The following AHNAK2 variants were observed in gnomAD, a reference collection of about 807,000 sequenced individuals.
AHNAK2 encodes the protein AHNAK nucleoprotein 2.
Under a neutral mutation model 30.7 loss-of-function variants are expected in AHNAK2, and 18 were observed. That is an observed-to-expected ratio of 0.59 (90% confidence interval 0.41 to 0.87). AHNAK2 has a LOEUF of 0.87. Ranked by LOEUF, AHNAK2 falls within the 40% of genes least tolerant of loss-of-function variation. AHNAK2 has a pLI of 0.00. For synonymous variants in AHNAK2, 3,590 were observed against 3,073.8 expected (o/e 1.17, Z -5.56); for missense variants, 8,604 against 7,373.0 (o/e 1.17, Z -6.11).
Position 104,953,663 on chromosome 14 carries a change from C to T in AHNAK2, c.1788G>A (p.Lys596=), listed in dbSNP as rs1353013087. The change falls in exon 7 of 7, where the codon AAG becomes AAA. Residue 596 remains lysine (K), a synonymous_variant. Coordinates refer to ENST00000333244, the MANE Select transcript of AHNAK2 (RefSeq NM_138420.4). ...KIPSLGWSPS[K]HTKTGREKAT... ...CTTTTTCTCTGCCTGTCTTTGTGTG[C>T]TTGCTTGGCGACCATCCTAAGGAGG... The T allele has an allele frequency of 1.9e-6, 3 of 1,613,730 alleles. No individual in the cohort carries two copies. Among genetic ancestry groups the T allele is most frequent in the Non-Finnish European group, 2.5e-6 (3 of 1,179,886 alleles).
chr14:104,952,501 G>C lies in AHNAK2; in HGVS notation c.2950C>G (p.Leu984Val). Residue 984 changes from leucine (L) to valine (V), a missense_variant, in exon 7 of 7, where the codon CTG (leucine) becomes GTG (valine). By Grantham distance (32) the Leu-to-Val change is conservative. Transcript: ENST00000333244. ...KLDGAWLEGD[L>V]SLADKDVTAK... ...GTCACGTCCTTGTCGGCCAGGGACA[G>C]GTCCCCCTCCAGCCACGCACCATCC... 6.2e-7 allele frequency: 1 copy of C among 1,612,806 alleles called. No homozygotes were observed. Among genetic ancestry groups the C allele is most frequent in the Non-Finnish European group, 8.5e-7 (1 of 1,179,582 alleles).
At position 104,943,327 on chromosome 14, in the gene AHNAK2, G is replaced by A. The variant is rs1253671261; in HGVS notation, c.12124C>T (p.Pro4042Ser). 1.2e-6 allele frequency: 2 copies of A among 1,612,698 alleles called. No individual in the cohort carries two copies. The highest frequency in any genetic ancestry group is 1.3e-5 in the African/African-American group (1 of 74,652). Residue 4042 changes from proline to serine, a missense_variant, in exon 7 of 7, where the codon CCC (proline) becomes TCC (serine). By Grantham distance (74) the Pro-to-Ser change is moderately conservative. Transcript: ENST00000333244. ...VDVKLPEGPV[P>S]EGASLKGHLP... ...TGCCCTTTGAGGCTGGCTCCCTCGGGCACGGGGCCCTCTGGGAGTTTCACG... is the reference window on the plus strand; with the variant it reads ...TGCCCTTTGAGGCTGGCTCCCTCGGACACGGGGCCCTCTGGGAGTTTCACG...
rs772149510 is a variant in AHNAK2 at position 104,942,756 on chromosome 14, T to C, written c.12695A>G (p.Lys4232Arg). The part of the protein sequence containing the change: ...PCLKMPKVAL[K>R]GPQVDVKGPK... ...GCCCTTGACATCCACCTGGGGGCCC[T>C]TGAGGGCCACTTTGGGCATCTTCAA... is the stretch of plus-strand genomic sequence containing the variant. The change falls in exon 7 of 7, where the codon AAG (lysine) becomes AGG (arginine). Residue 4232 changes from lysine to arginine, a missense_variant. Transcript: ENST00000333244. 3.7e-6 allele frequency: 6 copies of C among 1,612,998 alleles called. No individual in the cohort carries two copies. Among genetic ancestry groups the C allele is most frequent in the Admixed American group, 3.3e-5 (2 of 59,958 alleles).
In AHNAK2 at chr14:104,945,147, G is replaced by C. The variant is rs1174836578; in HGVS notation, c.10304C>G (p.Ser3435Cys). Residue 3435 changes from serine to cysteine, a missense_variant, in exon 7 of 7, where the codon TCT becomes TGT. Ser to Cys is a moderately radical substitution (Grantham distance 112, BLOSUM62 -1). Transcript: ENST00000333244. ...GACGTCCACCTCCACGCTGGGCAGA[G>C]ACACCTCCACATCAGGGACTGTCAC... ...AEVTVPDVEV[S>C]LPSVEVDVQA... The C allele has an allele frequency of 3.1e-6, 5 of 1,613,106 alleles. No individual in the cohort carries two copies. The highest frequency in any genetic ancestry group is 4.2e-6 in the Non-Finnish European group (5 of 1,179,750).
rs775028213 is a variant in AHNAK2, at chr14:104,950,252, C to T, written c.5199G>A (p.Glu1733=). The change falls in exon 7 of 7, where the codon GAG becomes GAA. Residue 1733 remains glutamate, a synonymous_variant. Coordinates refer to ENST00000333244, the MANE Select transcript of AHNAK2 (RefSeq NM_138420.4). ...NVKLPEGPLP[E]GAGFKGHLPK... is the part of the protein sequence containing the mutation. ...GGAGGTGCCCTTTGAAGCCGGCTCC[C>T]TCGGGAAGGGGGCCCTCCGGGAGTT... is the stretch of plus-strand genomic sequence containing the variant. 8 of 1,585,678 alleles carry T rather than the reference C, an allele frequency of 5.0e-6. No homozygotes were observed. The highest frequency in any genetic ancestry group is 1.7e-5 in the Admixed American group (1 of 57,330).
Position 104,952,815 on chromosome 14 carries a change from G to A in AHNAK2, c.2636C>T (p.Thr879Ile), listed in dbSNP as rs1898814294. 6.2e-7 allele frequency: 1 copy of A among 1,612,642 alleles called. No individual in the cohort carries two copies. ...LSSMQGDLKA[T>I]DLSIQPPSAD... is the part of the protein sequence containing the mutation. ...GGAAGGGGGCTGAATGCTGAGGTCA[G>A]TGGCCTTGAGGTCCCCCTGCATGGA... Residue 879 changes from threonine (T) to isoleucine (I), a missense_variant, in exon 7 of 7, where the codon ACT (threonine) becomes ATT (isoleucine). Coordinates refer to ENST00000333244, the MANE Select transcript of AHNAK2 (RefSeq NM_138420.4).
chr14:104,958,882 A>C (rs1468794128), intron 1 of AHNAK2, among the ~76,000 whole-genome samples: 1 of 152,230 alleles, frequency 6.6e-6, no homozygotes, highest in Non-Finnish European at 1.5e-5. Flanking sequence ...CTTAAGAGAA[A>C]GGGCCCCATC....
chr14:104,953,720 T>A lies in AHNAK2; in HGVS notation c.1731A>T (p.Glu577Asp). The A allele has an allele frequency of 6.2e-7, 1 of 1,613,958 alleles. No homozygotes were observed. The highest frequency in any genetic ancestry group is 8.5e-7 in the Non-Finnish European group (1 of 1,179,900). ...TGAACTTGGGCATTCTTATCTGTCCTTCTGTGTCTTCCCTGCCCTTGTCCT... is the reference window on the plus strand; with the variant it reads ...TGAACTTGGGCATTCTTATCTGTCCATCTGTGTCTTCCCTGCCCTTGTCCT... ...EEQDKGREDT[E>D]GQIRMPKFKI... Residue 577 changes from glutamate (E) to aspartate (D), a missense_variant, in exon 7 of 7, where the codon GAA (glutamate) becomes GAT (aspartate). Glu to Asp is a conservative substitution (Grantham distance 45). Transcript: ENST00000333244.
chr14:104,943,415 C>T lies in AHNAK2; in HGVS notation c.12036G>A (p.Lys4012=). Residue 4012 remains lysine (K), a synonymous_variant, in exon 7 of 7, where the codon AAG becomes AAA. Coordinates refer to ENST00000333244, the MANE Select transcript of AHNAK2 (RefSeq NM_138420.4). ...VSLPSMQGDL[K]ATDLSVQPPS... ...GGGGCTGAACGCTGAGGTCAGTGGC[C>T]TTGAGGTCCCCCTGCATGGAAGGGA... 10 of 1,613,366 alleles carry T rather than the reference C, an allele frequency of 6.2e-6. No individual in the cohort carries two copies. Among genetic ancestry groups the T allele is most frequent in the Non-Finnish European group, 8.5e-6 (10 of 1,179,680 alleles).
chr14:104,957,471 C>A lies in AHNAK2; in HGVS notation c.152G>T (p.Arg51Leu). ...EGPADEGIRP[R>L]PQGSSPVYEY... ...GTAGACAGGTGAAGACCCCTGCGGC[C>A]GTGGTCGAATGCCCTCATCCGCAGG... The change falls in exon 3 of 7, where the codon CGG becomes CTG. Residue 51 changes from arginine to leucine, a missense_variant. Arg to Leu is a moderately radical substitution (Grantham distance 102). Transcript: ENST00000333244. 1 of 1,602,590 alleles carries A rather than the reference C, an allele frequency of 6.2e-7. No homozygotes were observed. The highest frequency in any genetic ancestry group is 8.5e-7 in the Non-Finnish European group (1 of 1,172,636).
intron 5 of AHNAK2, 48 bp from the exon 6 acceptor site, chr14:104,955,189 G>A (rs753983912): frequency 6.4e-7 from 1 of 1,557,654 alleles, no homozygotes; most frequent in Non-Finnish European, 8.7e-7. Flanking sequence ...GAATGAGACG[G>A]GGTCTGCTGT....
In AHNAK2 at chr14:104,938,215, C is replaced by T; in HGVS notation, c.17236G>A (p.Glu5746Lys). The T allele has an allele frequency of 6.2e-7, 1 of 1,613,928 alleles. No individual in the cohort carries two copies. The highest frequency in any genetic ancestry group is 1.3e-5 in the African/African-American group (1 of 75,064). ...ACAGGCCCGATCAGTTCACCCTCTTCCTTCTCTTCAGGGGAGAAACTTTCT... is the reference window on the plus strand; with the variant it reads ...ACAGGCCCGATCAGTTCACCCTCTTTCTTCTCTTCAGGGGAGAAACTTTCT... Reference protein sequence around the residue: ...ARESFSPEEKEEGELIGPVGT... With the variant: ...ARESFSPEEKKEGELIGPVGT... The change falls in exon 7 of 7, where the codon GAA becomes AAA. Residue 5746 changes from glutamate (E) to lysine (K), a missense_variant. Coordinates refer to ENST00000333244, the MANE Select transcript of AHNAK2 (RefSeq NM_138420.4).
At position 104,946,226 on chromosome 14, in the gene AHNAK2, A is replaced by G. The variant is rs747737092; in HGVS notation, c.9225T>C (p.Asp3075=). Residue 3075 remains aspartate (D), a synonymous_variant, in exon 7 of 7, where the codon GAT becomes GAC. Coordinates refer to ENST00000333244, the MANE Select transcript of AHNAK2 (RefSeq NM_138420.4). ...TGACATCTATCTGGGGTCCCTTGCG[A>G]TCTACTTTGGGCATCTTGAAACTGG... is the stretch of plus-strand genomic sequence containing the variant. ...QMPSFKMPKV[D]RKGPQIDVKG... 7.5e-6 allele frequency: 12 copies of G among 1,599,584 alleles called. No homozygotes were observed. In the East Asian group the frequency reaches 1.8e-4, roughly 24 times the overall value.
chr14:104,951,052 C>G lies in AHNAK2; in HGVS notation c.4399G>C (p.Gly1467Arg). Reference protein sequence around the residue: ...PSVEVDVEAPGAKLDGGRLEE... With the variant: ...PSVEVDVEAPRAKLDGGRLEE... The stretch of plus-strand genomic sequence containing the variant: ...AGCCGTCCACCATCCAGCTTGGCTC[C>G]TGGGGCCTCGACATCCACCTCCACG... The change falls in exon 7 of 7, where the codon GGA becomes CGA. Residue 1467 changes from glycine (G) to arginine (R), a missense_variant. Coordinates refer to ENST00000333244, the MANE Select transcript of AHNAK2 (RefSeq NM_138420.4). 1 of 1,063,048 alleles carries G rather than the reference C, an allele frequency of 9.4e-7. No individual in the cohort carries two copies. Among genetic ancestry groups the G allele is most frequent in the Non-Finnish European group, 1.4e-6 (1 of 732,882 alleles). The allele number at this position is 1,063,048 out of a possible 1,614,324, so 65.9% of individuals were successfully genotyped here. A position where few individuals can be genotyped will look rare whatever the true frequency, so the allele number is the denominator to read the frequency against.
chr14:104,943,538 G>C lies in AHNAK2; in HGVS notation c.11913C>G (p.Pro3971=). ...MTAKDSKFKM[P]KFKMPSFGVS... ...CCCCGAACGACGGCATCTTGAACTT[G>C]GGCATTTTGAACTTGCTGTCTTTGG... The change falls in exon 7 of 7, where the codon CCC becomes CCG. Residue 3971 remains proline (P), a synonymous_variant. Transcript: ENST00000333244. The C allele has an allele frequency of 6.2e-7, 1 of 1,613,008 alleles. No individual in the cohort carries two copies. The highest frequency in any genetic ancestry group is 8.5e-7 in the Non-Finnish European group (1 of 1,179,558).
chr14:104,951,209 C>T lies in AHNAK2; in HGVS notation c.4242G>A (p.Leu1414=). Residue 1414 remains leucine, a synonymous_variant, in exon 7 of 7, where the codon CTG becomes CTA. Transcript: ENST00000333244. ...GAGLKGHLPK[L]QMPSFKVPKV... ...TGGGCACCTTGAAACTGGGCATCTG[C>T]AGCTTGGGCAGGTGCCCTTTGAGGC... 3 of 1,067,900 alleles carry T rather than the reference C, an allele frequency of 2.8e-6. 1 individual carries two copies. The highest frequency in any genetic ancestry group is 4.1e-6 in the Non-Finnish European group (3 of 736,730). The allele number at this position is 1,067,900 out of a possible 1,614,324, so 66.2% of individuals were successfully genotyped here. A position where few individuals can be genotyped will look rare whatever the true frequency, so the allele number is the denominator to read the frequency against.
In AHNAK2 at chr14:104,953,476, T is replaced by G. The variant is rs768455922; in HGVS notation, c.1975A>C (p.Lys659Gln). ...TCCTTTTCTGTCAGAATTTGTTCCT[T>G]TTTTAAGCGTTTTTCATCGTGTATT... ...QLIHDEKRLK[K>Q]EQILTEKEVA... The change falls in exon 7 of 7, where the codon AAG (lysine) becomes CAG (glutamine). Residue 659 changes from lysine (K) to glutamine (Q), a missense_variant. Lys to Gln is a moderately conservative substitution (Grantham distance 53, BLOSUM62 1). Coordinates refer to ENST00000333244, the MANE Select transcript of AHNAK2 (RefSeq NM_138420.4). 6.2e-7 allele frequency: 1 copy of G among 1,614,032 alleles called. No homozygotes were observed. The highest frequency in any genetic ancestry group is 1.1e-5 in the South Asian group (1 of 91,082).
intron 1 of AHNAK2, chr14:104,970,532 G>T: frequency 1.0e-6 from 1 of 985,530 alleles, no homozygotes; most frequent in South Asian, 4.7e-5. Context: ...GCCACGCCCG[G>T]TTCTTCCCTC....
intron 5 of AHNAK2, 21 bp downstream of exon 5, chr14:104,955,462 G>T: frequency 6.2e-7 from 1 of 1,605,918 alleles, no homozygotes; most frequent in Non-Finnish European, 8.5e-7. Flanking sequence ...GGTGACCCCA[G>T]GGATGGAACT....
Sources: gnomAD v4.1 joint callset for allele counts (sites outside exome capture counted in the v4.1 genomes callset) on GRCh38, gnomAD v4.1.1 for gene constraint, MANE v1.5 for transcripts, NCBI Gene and HGNC (gene_info 2026-07-23, HGNC 2026-07-21) for gene names.